Variants in FAM227B observed in about 807,000 individuals in gnomAD.
FAM227B encodes the protein family with sequence similarity 227 member B.
Under a neutral mutation model 73.8 loss-of-function variants are expected in FAM227B, and 88 were observed. The ratio of observed to expected loss-of-function variants is 1.19; its 90% confidence interval spans 1.00 to 1.42. The LOEUF is 1.42. Ranked by LOEUF, FAM227B falls within the 40% of genes most tolerant of loss-of-function variation. FAM227B has a pLI of 0.00. For missense variants in FAM227B, 632 were observed against 590.9 expected (o/e 1.07, Z -0.72); for synonymous variants, 210 against 190.5 (o/e 1.10, Z -0.84).
At chr15:49,611,780 T>C (rs2077938638) in intron 2 of FAM227B, among the ~76,000 whole-genome samples, 2 of 152,218 alleles carry the variant, frequency 1.3e-5, no homozygotes, top group African/African-American at 4.8e-5. Flanking sequence ...ACAAACTAAT[T>C]TTAATCCAGA....
intron 10 of FAM227B, among the ~76,000 whole-genome samples, chr15:49,512,971 T>C (rs556484248): frequency 8.5e-5 from 13 of 152,304 alleles, no homozygotes; most frequent in African/African-American, 3.1e-4. Flanking sequence ...ATGGTGTATA[T>C]GTAACACAAA....
chr15:49,580,527 G>C (rs550582333), intron 5 of FAM227B, among the ~76,000 whole-genome samples: 1 of 152,268 alleles, frequency 6.6e-6, no homozygotes, highest in Non-Finnish European at 1.5e-5. Flanking sequence ...AGGAACATCA[G>C]CCCACACAGA....
At chr15:49,393,222 T>C (rs192740328) in intron 11 of FAM227B, among the ~76,000 whole-genome samples, 1 of 152,292 alleles carries the variant, frequency 6.6e-6, no homozygotes, top group East Asian at 1.9e-4. Context: ...GGCTCAAATG[T>C]GAAAGAGAGA....
At chr15:49,397,983 A>G (rs1046868800) in intron 11 of FAM227B, among the ~76,000 whole-genome samples, 7 of 152,344 alleles carry the variant, frequency 4.6e-5, no homozygotes, top group Non-Finnish European at 7.3e-5. Context: ...ACAGGATCAA[A>G]TTCACACATA....
chr15:49,383,384 G>C (rs1338390312), intron 11 of FAM227B, among the ~76,000 whole-genome samples: 1 of 151,966 alleles, frequency 6.6e-6, no homozygotes, highest in Non-Finnish European at 1.5e-5. Flanking sequence ...TTTTTTAGCA[G>C]TAAACTATTT....
chr15:49,502,900 T>C (rs1043459035), intron 11 of FAM227B, among the ~76,000 whole-genome samples: 6 of 152,140 alleles, frequency 3.9e-5, no homozygotes, highest in Non-Finnish European at 7.3e-5. Flanking sequence ...TGGTGATAAG[T>C]AAGCTCTCAC....
Position 49,349,738 on chromosome 15 carries a change from AC to A in FAM227B, c.1272-14243del, listed in dbSNP as rs574878379. Among the ~76,000 whole-genome samples, 26 of 152,292 alleles carry A rather than the reference AC, an allele frequency of 1.7e-4. No homozygotes were observed. The East Asian group carries it at 5.0e-3, about 29-fold the overall frequency. Reference sequence around the variant, plus strand: ...AGGTTACCAATAGTCATTGACCTCTACTGACTTCTGGGCTTATACAGAGAGT... The same window carrying A: ...AGGTTACCAATAGTCATTGACCTCTATGACTTCTGGGCTTATACAGAGAGT... On this transcript the variant is annotated intron_variant, in intron 13 of 15. Coordinates refer to ENST00000299338, the MANE Select transcript of FAM227B (RefSeq NM_152647.3).
chr15:49,355,258 C>T (rs1025747052), intron 13 of FAM227B, among the ~76,000 whole-genome samples: 1 of 152,188 alleles, frequency 6.6e-6, no homozygotes, highest in Non-Finnish European at 1.5e-5. Flanking sequence ...TTGAAGAGCT[C>T]AGAGAAGAAG....
intron 11 of FAM227B, among the ~76,000 whole-genome samples, chr15:49,381,562 T>C (rs1030142608): frequency 1.2e-4 from 18 of 152,228 alleles, no homozygotes; most frequent in African/African-American, 4.1e-4. Context: ...ATTAACTCTT[T>C]ACTTGCTTCA....
At chr15:49,551,964 T>G (rs1232827786) in intron 9 of FAM227B, among the ~76,000 whole-genome samples, 1 of 152,222 alleles carries the variant, frequency 6.6e-6, no homozygotes, top group African/African-American at 2.4e-5. Context: ...GAAATTATAA[T>G]TTTTGAGTGG....
intron 11 of FAM227B, among the ~76,000 whole-genome samples, chr15:49,455,529 A>G (rs1205918170): frequency 2.0e-5 from 3 of 152,210 alleles, no homozygotes; most frequent in Non-Finnish European, 2.9e-5. Flanking sequence ...TGAAAAAGAT[A>G]AGACAAATAC....
At chr15:49,581,003 T>C (rs747861175) in intron 5 of FAM227B, among the ~76,000 whole-genome samples, 3 of 152,184 alleles carry the variant, frequency 2.0e-5, no homozygotes, top group African/African-American at 4.8e-5. Flanking sequence ...CTACACTCAC[T>C]AGAGTTCCTG....
intron 9 of FAM227B, among the ~76,000 whole-genome samples, chr15:49,559,732 C>T (rs560350661): frequency 1.3e-5 from 2 of 152,022 alleles, no homozygotes; most frequent in East Asian, 3.9e-4. Flanking sequence ...GTCAGGAGTT[C>T]GAGACTAGCC....
intron 11 of FAM227B, among the ~76,000 whole-genome samples, chr15:49,505,938 GA>G (rs1173853624): frequency 6.6e-6 from 1 of 151,794 alleles, no homozygotes; most frequent in African/African-American, 2.4e-5. Context: ...AAAATGATGA[GA>G]AAAGATACGA....
At chr15:49,393,699 T>A (rs1199979592) in intron 11 of FAM227B, among the ~76,000 whole-genome samples, 1 of 152,112 alleles carries the variant, frequency 6.6e-6, no homozygotes, top group Non-Finnish European at 1.5e-5. Flanking sequence ...AATTCTTTGA[T>A]CTGGCTACCA....
At chr15:49,439,277 G>A (rs1459973174) in intron 11 of FAM227B, among the ~76,000 whole-genome samples, 3 of 148,984 alleles carry the variant, frequency 2.0e-5, no homozygotes, top group Non-Finnish European at 4.5e-5. Flanking sequence ...GAGAGGGGTA[G>A]GAGAGAGAGA....
intron 11 of FAM227B, among the ~76,000 whole-genome samples, chr15:49,420,838 T>C (rs62012190): frequency 0.04 from 6,083 of 152,226 alleles, 177 homozygotes; most frequent in Non-Finnish European, 0.055. Flanking sequence ...CCCGAGTAGC[T>C]GGGACTACAG....
In FAM227B at chr15:49,508,226, C is replaced by G. The variant is rs1168785015; in HGVS notation, c.997G>C (p.Glu333Gln). ...SVKERIADSQ[E>Q]HISTSIDFNI... ...CTTTACTTACTAGTTGATATATGTTCTTGACTGTCTGCAATTCTTTCCTTT... is the reference window on the plus strand; with the variant it reads ...CTTTACTTACTAGTTGATATATGTTGTTGACTGTCTGCAATTCTTTCCTTT... Residue 333 changes from glutamate to glutamine, a missense_variant, in exon 11 of 16, where the codon GAA becomes CAA. Physicochemically the swap from Glu to Gln is conservative, Grantham distance 29. Transcript: ENST00000299338. The G allele has an allele frequency of 5.0e-6, 8 of 1,609,950 alleles. No individual in the cohort carries two copies. Among genetic ancestry groups the G allele is most frequent in the Non-Finnish European group, 6.8e-6 (8 of 1,178,300 alleles).
At chr15:49,459,321 A>G (rs1256921378) in intron 11 of FAM227B, among the ~76,000 whole-genome samples, 1 of 152,224 alleles carries the variant, frequency 6.6e-6, no homozygotes, top group African/African-American at 2.4e-5. Flanking sequence ...GCAGCACACC[A>G]TGTGATGCCT....
Sources: allele counts gnomAD v4.1 joint callset (sites outside exome capture counted in the v4.1 genomes callset), GRCh38; gene constraint gnomAD v4.1.1; transcripts MANE v1.5; gene names NCBI Gene and HGNC (gene_info 2026-07-23, HGNC 2026-07-21).